Variants in GADL1 observed in about 807,000 individuals in gnomAD.
GADL1 encodes the protein acidic amino acid decarboxylase GADL1.
A neutral mutation model predicts 69.5 loss-of-function variants in GADL1; 71 were observed. The observed-to-expected ratio is 1.02, with a 90% CI of 0.84 to 1.25. The LOEUF is 1.25. GADL1 is among the 50% of genes most tolerant of loss of function. GADL1 has a pLI of 0.00. For synonymous variants in GADL1, 254 were observed against 214.4 expected, an observed-to-expected ratio of 1.18 and a Z score of -1.62; for missense variants, 737 against 631.8, an observed-to-expected ratio of 1.17 and a Z score of -1.79.
intron 14 of GADL1, among the ~76,000 whole-genome samples, chr3:30,753,124 GTTAT>G (rs997761268): frequency 6.6e-5 from 10 of 152,232 alleles, no homozygotes; most frequent in South Asian, 2.1e-4. Context: ...GGGTGAGTCA[GTTAT>G]TTAGTCTGAT....
intron 11 of GADL1, among the ~76,000 whole-genome samples, chr3:30,833,126 C>CA (rs1697818530): frequency 1.3e-5 from 2 of 152,024 alleles, no homozygotes; most frequent in South Asian, 4.1e-4. Context: ...TGAGAAAGAT[C>CA]ACCCACATGC....
intron 1 of GADL1, among the ~76,000 whole-genome samples, chr3:30,893,425 A>C (rs578161376): frequency 6.6e-6 from 1 of 152,146 alleles, no homozygotes; most frequent in East Asian, 1.9e-4. Flanking sequence ...CTTTTTTGAA[A>C]TATACATTAT....
intron 14 of GADL1, among the ~76,000 whole-genome samples, chr3:30,732,943 A>T (rs1294698662): frequency 6.6e-6 from 1 of 151,958 alleles, no homozygotes; most frequent in East Asian, 1.9e-4. Flanking sequence ...TGTAATCCCA[A>T]CTACTAGGGA....
intron 9 of GADL1, among the ~76,000 whole-genome samples, chr3:30,834,778 G>C (rs1411746568): frequency 1.3e-5 from 2 of 152,152 alleles, no homozygotes; most frequent in East Asian, 3.9e-4. Flanking sequence ...TAGCTAAATG[G>C]CTTTCAGAAA....
At chr3:30,851,953 CCAGA>C (rs1324461823) in intron 4 of GADL1, among the ~76,000 whole-genome samples, 1 of 152,018 alleles carries the variant, frequency 6.6e-6, no homozygotes, top group Non-Finnish European at 1.5e-5. Context: ...TTTTCTCTCT[CCAGA>C]CAACTTGAGG....
At chr3:30,879,404 G>T (rs753434212) in intron 1 of GADL1, among the ~76,000 whole-genome samples, 6 of 151,848 alleles carry the variant, frequency 4.0e-5, no homozygotes, top group African/African-American at 1.5e-4. Context: ...GGACAAAAAG[G>T]CTTTTCTGAA....
At chr3:30,746,482 T>C (rs539482750) in intron 14 of GADL1, among the ~76,000 whole-genome samples, 9 of 152,306 alleles carry the variant, frequency 5.9e-5, no homozygotes, top group African/African-American at 1.7e-4. Flanking sequence ...GAGATGCTAA[T>C]AGTCATCACC....
chr3:30,871,825 G>T (rs1212322283), intron 1 of GADL1, among the ~76,000 whole-genome samples: 1 of 151,424 alleles, frequency 6.6e-6, no homozygotes, highest in Non-Finnish European at 1.5e-5. Flanking sequence ...CTCTGAAACA[G>T]CCAGAAAAAT....
chr3:30,824,660 G>T lies in GADL1; in HGVS notation c.1050+9193C>A, dbSNP rs866071673. ...GGATAAATCTTAAAGACATAAGCTT[G>T]AGCAACAACAAAAATCCAAGCACAA... On this transcript the variant is annotated intron_variant, in intron 11 of 14. Transcript: ENST00000282538. Among the ~76,000 whole-genome samples the T allele has an allele frequency of 9.2e-5, 14 of 151,546 alleles. No homozygotes were observed. In the Middle Eastern group the frequency reaches 0.01, roughly 113 times the overall value.
intron 1 of GADL1, among the ~76,000 whole-genome samples, chr3:30,863,080 C>G (rs1241213706): frequency 6.6e-6 from 1 of 151,328 alleles, no homozygotes; most frequent in Non-Finnish European, 1.5e-5. Context: ...CACACTCACT[C>G]TCTCTCTCTC....
At chr3:30,772,037 C>T (rs1696429288) in intron 14 of GADL1, among the ~76,000 whole-genome samples, 1 of 152,200 alleles carries the variant, frequency 6.6e-6, no homozygotes, top group Admixed American at 6.5e-5. Flanking sequence ...GGAAGCACAT[C>T]ACCCTACTCA....
At chr3:30,803,401 G>A (rs956107325) in intron 11 of GADL1, among the ~76,000 whole-genome samples, 1 of 152,032 alleles carries the variant, frequency 6.6e-6, no homozygotes. Flanking sequence ...TCACGACACA[G>A]GCACACACAC....
At chr3:30,751,971 A>G (rs909270327) in intron 14 of GADL1, among the ~76,000 whole-genome samples, 3 of 151,214 alleles carry the variant, frequency 2.0e-5, no homozygotes, top group Non-Finnish European at 2.9e-5. Flanking sequence ...GAACAACAGC[A>G]AAGACTTACT....
intron 8 of GADL1, among the ~76,000 whole-genome samples, chr3:30,843,171 G>A (rs1372641583): frequency 6.6e-6 from 1 of 152,022 alleles, no homozygotes; most frequent in Non-Finnish European, 1.5e-5. Flanking sequence ...TCCATCAGCA[G>A]GCAGCGGTGG....
chr3:30,779,540 A>AT (rs1242705561), intron 13 of GADL1, among the ~76,000 whole-genome samples: 1 of 152,234 alleles, frequency 6.6e-6, no homozygotes, highest in Non-Finnish European at 1.5e-5. Flanking sequence ...TACACAATTT[A>AT]TACCTGGATC....
chr3:30,775,048 C>T (rs75935367), intron 14 of GADL1, among the ~76,000 whole-genome samples: 1 of 152,270 alleles, frequency 6.6e-6, no homozygotes, highest in East Asian at 1.9e-4. Flanking sequence ...GAGGATTTTA[C>T]GGAGGGCGTC....
Position 30,800,906 on chromosome 3 carries a change from A to G in GADL1, c.1233T>C (p.Arg411=). 2 of 1,610,032 alleles carry G rather than the reference A, an allele frequency of 1.2e-6. No homozygotes were observed. Among genetic ancestry groups the G allele is most frequent in the Non-Finnish European group, 1.7e-6 (2 of 1,179,098 alleles). Reference sequence around the variant, plus strand: ...GCTAGTACCTAGATAAAGCAAGAGCACGATTAACTCTTTCTTCAAGGCCTA... The same window carrying G: ...GCTAGTACCTAGATAAAGCAAGAGCGCGATTAACTCTTTCTTCAAGGCCTA... The part of the protein sequence containing the change: ...GTLGLEERVN[R]ALALSRYLVD... The change falls in exon 12 of 15, where the codon CGT becomes CGC. Residue 411 remains arginine (R), a synonymous_variant. Transcript: ENST00000282538.
chr3:30,881,262 A>C (rs1470748438), intron 1 of GADL1, among the ~76,000 whole-genome samples: 2 of 151,992 alleles, frequency 1.3e-5, no homozygotes, highest in Non-Finnish European at 2.9e-5. Flanking sequence ...CTATCTGACA[A>C]AATCATATAA....
intron 14 of GADL1, among the ~76,000 whole-genome samples, chr3:30,767,148 GA>G (rs1183501220): frequency 6.6e-6 from 1 of 152,156 alleles, no homozygotes; most frequent in African/African-American, 2.4e-5. Flanking sequence ...TGGAAAAAAT[GA>G]AAAGGAAAGC....
Sources: allele counts gnomAD v4.1 joint callset (sites outside exome capture counted in the v4.1 genomes callset), GRCh38; gene constraint gnomAD v4.1.1; transcripts MANE v1.5; gene names NCBI Gene and HGNC (gene_info 2026-07-23, HGNC 2026-07-21).